The following USP14 variants were observed in gnomAD, a reference collection of about 807,000 sequenced individuals.
The protein encoded by USP14 is ubiquitin specific peptidase 14.
A neutral mutation model predicts 76.5 loss-of-function variants in USP14; 38 were observed. The observed-to-expected ratio is 0.50, with a 90% CI of 0.38 to 0.65. The LOEUF is 0.65. USP14 is among the 30% of genes least tolerant of loss of function. The pLI is 0.00. For synonymous variants in USP14, 192 were observed against 191.7 expected (o/e 1.00, Z -0.01); for missense variants, 467 against 586.5 (o/e 0.80, Z 2.10).
At chr18:177,422 T>TA (rs550087165) in intron 3 of USP14, among the ~76,000 whole-genome samples, 2,291 of 108,586 alleles carry the variant, frequency 0.021, 43 homozygotes, top group African/African-American at 0.057. Flanking sequence ...TCCCTGTCTC[T>TA]AAAAAAAAAA....
At chr18:181,115 G>A (rs1909778405) in intron 5 of USP14, among the ~76,000 whole-genome samples, 1 of 152,124 alleles carries the variant, frequency 6.6e-6, no homozygotes, top group South Asian at 2.1e-4. Flanking sequence ...TCATTTTATG[G>A]ATATATCACA....
At position 211,500 on chromosome 18, in the gene USP14, CAGAA is replaced by C. The variant is rs1910669811; in HGVS notation, c.*220_*223del. 5.2e-6 allele frequency: 2 copies of C among 387,752 alleles called. No homozygotes were observed. Among genetic ancestry groups the C allele is most frequent in the Non-Finnish European group, 9.0e-6 (2 of 221,900 alleles). The allele number at this position is 387,752 out of a possible 1,614,324, so 24.0% of individuals were successfully genotyped here. A position where few individuals can be genotyped will look rare whatever the true frequency, so the allele number is the denominator to read the frequency against. ...ATTGTGCTGCCCTATATAAAGGTGG[CAGAA>C]AGACATTTTTAAAAAGCTTATTATT... On this transcript the variant is annotated 3_prime_UTR_variant, in exon 16 of 16. Transcript: ENST00000261601.
chr18:179,856 C>T (rs905684895), intron 4 of USP14, among the ~76,000 whole-genome samples: 2 of 151,742 alleles, frequency 1.3e-5, no homozygotes, highest in Admixed American at 6.6e-5. Flanking sequence ...CCACCTCAGC[C>T]TTCCAAAGTG....
chr18:187,599 G>GT (rs1214053575), intron 5 of USP14, among the ~76,000 whole-genome samples: 1 of 152,096 alleles, frequency 6.6e-6, no homozygotes, highest in African/African-American at 2.4e-5. Flanking sequence ...TTGACTTTCA[G>GT]TAAGATGGAT....
chr18:202,845 A>G (rs1382065357), intron 10 of USP14, 35 bp from the exon 11 acceptor site: 3 of 1,609,882 alleles, frequency 1.9e-6, no homozygotes, highest in Non-Finnish European at 2.5e-6. Flanking sequence ...AATTTTTAAA[A>G]CTAATGTTTG....
chr18:170,935 G>C (rs1203284380), intron 3 of USP14, among the ~76,000 whole-genome samples: 1 of 148,852 alleles, frequency 6.7e-6, no homozygotes, highest in Non-Finnish European at 1.5e-5. Context: ...GGGTCTATAG[G>C]TGCAGCAAAC....
In USP14 at chr18:177,269, A is replaced by C. The variant is rs527661698; in HGVS notation, c.196-1664A>C. 3.9e-5 allele frequency among the ~76,000 whole-genome samples: 6 copies of C among 152,014 alleles called. No individual in the cohort carries two copies. In the South Asian group the frequency reaches 6.2e-4, roughly 16 times the overall value. ...TTGAGACAGTTGTCTTTGGAAAAAGATTCTTGGCCTGGTGGGGTGGCTTAT... is the reference window on the plus strand; with the variant it reads ...TTGAGACAGTTGTCTTTGGAAAAAGCTTCTTGGCCTGGTGGGGTGGCTTAT... On this transcript the variant is annotated intron_variant, in intron 3 of 15. Coordinates refer to ENST00000261601, the MANE Select transcript of USP14 (RefSeq NM_005151.4).
Position 198,139 on chromosome 18 carries a change from T to A in USP14, c.761+7T>A, listed in dbSNP as rs376953585. 1.8e-5 allele frequency: 29 copies of A among 1,599,564 alleles called. No individual in the cohort carries two copies. The Admixed American group carries it at 2.4e-4, about 13-fold the overall frequency. ...GTGTTGAGTTTGAAACTACGTATCC[T>A]TATGAGCCAAGATATAGACTATACT... On this transcript the variant is annotated splice_region_variant and intron_variant, in intron 9 of 15. Coordinates refer to ENST00000261601, the MANE Select transcript of USP14 (RefSeq NM_005151.4).
intron 4 of USP14, 75 bp from the exon 5 acceptor site, chr18:180,161 T>G: frequency 1.4e-6 from 1 of 698,432 alleles, no homozygotes; most frequent in Middle Eastern, 2.8e-4. Flanking sequence ...AGAATTTTAG[T>G]GATTTATATA....
chr18:165,096 C>G (rs1028830893), intron 2 of USP14, among the ~76,000 whole-genome samples: 1 of 152,018 alleles, frequency 6.6e-6, no homozygotes, highest in Non-Finnish European at 1.5e-5. Context: ...TAACAGGTCA[C>G]CACCACCATG....
At chr18:206,442 A>G (rs955818963) in intron 13 of USP14, among the ~76,000 whole-genome samples, 2 of 151,590 alleles carry the variant, frequency 1.3e-5, no homozygotes, top group African/African-American at 4.9e-5. Context: ...CATATTCTAG[A>G]CCTTTGTTGG....
chr18:202,837 T>A, intron 10 of USP14, 43 bp from the exon 11 acceptor site: 4 of 1,604,112 alleles, frequency 2.5e-6, no homozygotes, highest in Non-Finnish European at 3.4e-6. Context: ...AGAAATAAAA[T>A]TTTTAAAACT....
intron 9 of USP14, 46 bp downstream of exon 9, chr18:198,178 A>T (rs1910291925): frequency 6.9e-7 from 1 of 1,457,176 alleles, no homozygotes; most frequent in South Asian, 1.4e-5. Flanking sequence ...ACCTTATTAG[A>T]ATTGGCATAA....
chr18:193,832 C>T (rs1198446390), intron 6 of USP14, among the ~76,000 whole-genome samples: 7 of 152,158 alleles, frequency 4.6e-5, no homozygotes, highest in Non-Finnish European at 7.4e-5. Flanking sequence ...TTTATCCATT[C>T]ATCGTTGGTG....
intron 3 of USP14, among the ~76,000 whole-genome samples, chr18:172,224 T>C (rs771663372): frequency 1.3e-5 from 2 of 152,042 alleles, no homozygotes; most frequent in African/African-American, 2.4e-5. Flanking sequence ...AGTGACAGAG[T>C]GAGACCCTGT....
intron 8 of USP14, 50 bp downstream of exon 8, chr18:197,746 T>A (rs774420933): frequency 7.0e-7 from 1 of 1,433,282 alleles, no homozygotes; most frequent in Non-Finnish European, 9.6e-7. Context: ...CCTTGATTTT[T>A]TTTTTTATTT....
At chr18:178,673 AT>A (rs1240831013) in intron 3 of USP14, among the ~76,000 whole-genome samples, 1 of 152,128 alleles carries the variant, frequency 6.6e-6, no homozygotes, top group Non-Finnish European at 1.5e-5. Flanking sequence ...TTAGTAGTGT[AT>A]TTACAGAGTT....
At chr18:166,890 G>T in intron 3 of USP14, 71 bp downstream of exon 3, 1 of 1,446,424 alleles carries the variant, frequency 6.9e-7, no homozygotes, top group South Asian at 1.2e-5. Context: ...CATTCCAGAT[G>T]ACTTTTTTTC....
chr18:164,811 A>T (rs934131932), intron 2 of USP14, among the ~76,000 whole-genome samples: 1 of 152,016 alleles, frequency 6.6e-6, no homozygotes, highest in African/African-American at 2.4e-5. Context: ...GGAGGAAAAA[A>T]TTTTTGTTTA....
Sources: allele counts gnomAD v4.1 joint callset (sites outside exome capture counted in the v4.1 genomes callset), GRCh38; gene constraint gnomAD v4.1.1; transcripts MANE v1.5; gene names NCBI Gene and HGNC (gene_info 2026-07-23, HGNC 2026-07-21).